The following MAST4 variants were observed in gnomAD, a reference collection of about 807,000 sequenced individuals.
The protein encoded by MAST4 is microtubule associated serine/threonine kinase family member 4.
Under a neutral mutation model 162.7 loss-of-function variants are expected in MAST4, and 89 were observed. That is an observed-to-expected ratio of 0.55 (90% CI 0.46 to 0.65). The LOEUF is 0.65. Ranked by LOEUF, MAST4 falls within the 30% of genes least tolerant of loss-of-function variation. MAST4 has a pLI of 0.00. For missense variants in MAST4, 3,153 were observed against 3,374.0 expected, an observed-to-expected ratio of 0.93 and a Z score of 1.62; for synonymous variants, 1,479 against 1,361.1, an observed-to-expected ratio of 1.09 and a Z score of -1.91.
intron 1 of MAST4, among the ~76,000 whole-genome samples, chr5:66,648,083 T>A (rs13172394): frequency 0.26 from 22,180 of 86,246 alleles, 2,232 homozygotes; most frequent in African/African-American, 0.35. Context: ...TGTGTGTGTG[T>A]GAGAGAGAGA....
chr5:67,024,860 A>G (rs1197204297), intron 4 of MAST4, among the ~76,000 whole-genome samples: 1 of 151,410 alleles, frequency 6.6e-6, no homozygotes, highest in Non-Finnish European at 1.5e-5. Flanking sequence ...AGCTAAGGTC[A>G]TCTGGAATGA....
intron 1 of MAST4, among the ~76,000 whole-genome samples, chr5:66,608,111 G>A (rs2149389941): frequency 6.8e-6 from 1 of 146,844 alleles, no homozygotes; most frequent in South Asian, 2.1e-4. Context: ...ACGCTGGAGT[G>A]CAGTGGCACT....
chr5:66,598,157 A>G (rs1014023949), intron 1 of MAST4, among the ~76,000 whole-genome samples: 1 of 152,208 alleles, frequency 6.6e-6, no homozygotes, highest in African/African-American at 2.4e-5. Flanking sequence ...GGCGAGTCCT[A>G]GCTTGGCAGA....
intron 1 of MAST4, among the ~76,000 whole-genome samples, chr5:66,745,757 G>A (rs892984889): frequency 6.6e-5 from 10 of 152,174 alleles, no homozygotes; most frequent in African/African-American, 2.4e-4. Context: ...TTGTGTCTGT[G>A]GACTTGGATG....
intron 4 of MAST4, among the ~76,000 whole-genome samples, chr5:67,013,501 G>T (rs1460281853): frequency 6.6e-6 from 1 of 152,144 alleles, no homozygotes; most frequent in Non-Finnish European, 1.5e-5. Flanking sequence ...CTGTAAAGAA[G>T]TATGCTTTAT....
rs893664762 is a variant in MAST4, at chr5:66,732,500, A to T, written c.364-27209A>T. Among the ~76,000 whole-genome samples, 210 of 152,282 alleles carry T rather than the reference A, an allele frequency of 1.4e-3. 5 individuals carry two copies. Among genetic ancestry groups the T allele is most frequent in the Admixed American group, 0.014 (208 of 15,296 alleles). ...TGTGTGTTCCTCTAGCACTTTGGAC[A>T]CACCTCTCTCCTAGCACTGATCACT... On this transcript the variant is annotated intron_variant, in intron 1 of 28. Transcript: ENST00000403625.
rs768965923 is a variant in MAST4, at chr5:67,165,685, C to T, written c.6506C>T (p.Thr2169Ile). 6.3e-7 allele frequency: 1 copy of T among 1,588,458 alleles called. No homozygotes were observed. Among genetic ancestry groups the T allele is most frequent in the South Asian group, 1.1e-5 (1 of 87,780 alleles). The change falls in exon 29 of 29, where the codon ACT becomes ATT. Residue 2169 changes from threonine to isoleucine, a missense_variant. This residue lies in a region of MAST4 where 1,644 missense variants were observed against 1,495.0 expected (regional missense o/e 1.10). Transcript: ENST00000403625. ...AGAGAGCCGGGGGCCAAGCCCAGCA[C>T]TGCAGAGCCCAGCTCGAGCCCCCAG... is the stretch of plus-strand genomic sequence containing the variant. ...SGREPGAKPS[T>I]AEPSSSPQDP... is the part of the protein sequence containing the mutation.
chr5:66,891,535 A>G lies in MAST4; in HGVS notation c.643-8416A>G, dbSNP rs79366683. On this transcript the variant is annotated intron_variant, in intron 3 of 28. Transcript: ENST00000403625. Reference sequence around the variant, plus strand: ...ATGTTCCATGAGCTCACCATTCCCTATAAGATAAAGGCAGCCACTTCCAAA... The same window carrying G: ...ATGTTCCATGAGCTCACCATTCCCTGTAAGATAAAGGCAGCCACTTCCAAA... Among the ~76,000 whole-genome samples, 14 of 152,180 alleles carry G rather than the reference A, an allele frequency of 9.2e-5. No individual in the cohort carries two copies. The East Asian group carries it at 2.7e-3, about 29-fold the overall frequency.
rs373517344 is a variant in MAST4 at position 67,144,454 on chromosome 5, A to G, written c.2731-215A>G. Among the ~76,000 whole-genome samples the G allele has an allele frequency of 4.8e-4, 35 of 73,080 alleles. No homozygotes were observed. The East Asian group carries it at 1.0e-2, about 21-fold the overall frequency. The allele number at this position is 73,080 out of a possible 152,430, so 47.9% of individuals were successfully genotyped here. A position where few individuals can be genotyped will look rare whatever the true frequency, so the allele number is the denominator to read the frequency against. Reference sequence around the variant, plus strand: ...AATTCATAGCTCCCTATTCGTATATATGTACACACACACACACACACACAC... The same window carrying G: ...AATTCATAGCTCCCTATTCGTATATGTGTACACACACACACACACACACAC... On this transcript the variant is annotated intron_variant, in intron 21 of 28. Coordinates refer to ENST00000403625, the MANE Select transcript of MAST4 (RefSeq NM_001164664.2).
At chr5:66,665,228 C>T (rs1747173972) in intron 1 of MAST4, among the ~76,000 whole-genome samples, 1 of 151,706 alleles carries the variant, frequency 6.6e-6, no homozygotes, top group Non-Finnish European at 1.5e-5. Flanking sequence ...TTGTTTGTTT[C>T]TTTTTAGGTA....
chr5:67,147,896 G>A (rs1352762919), intron 23 of MAST4, among the ~76,000 whole-genome samples: 1 of 152,186 alleles, frequency 6.6e-6, no homozygotes, highest in Non-Finnish European at 1.5e-5. Context: ...GGAAGTCCAT[G>A]AATCTTTTCC....
chr5:67,054,068 G>A (rs568914062), intron 4 of MAST4, among the ~76,000 whole-genome samples: 1 of 152,330 alleles, frequency 6.6e-6, no homozygotes, highest in Middle Eastern at 3.4e-3. Flanking sequence ...TGTCAACAAA[G>A]ATGCTACCTG....
chr5:66,826,701 A>G (rs1298390011), intron 3 of MAST4, among the ~76,000 whole-genome samples: 1 of 151,942 alleles, frequency 6.6e-6, no homozygotes, highest in Admixed American at 6.6e-5. Context: ...TGAAGATTGT[A>G]GTCCTCAGAG....
chr5:67,137,849 G>A (rs1044539046), intron 19 of MAST4, among the ~76,000 whole-genome samples: 8 of 152,280 alleles, frequency 5.3e-5, no homozygotes, highest in South Asian at 4.1e-4. Context: ...ATGACAGACC[G>A]CATGCCCTGC....
chr5:66,842,378 T>C (rs925399507), intron 3 of MAST4, among the ~76,000 whole-genome samples: 1 of 152,174 alleles, frequency 6.6e-6, no homozygotes, highest in African/African-American at 2.4e-5. Context: ...TTTTTACCTT[T>C]CTGCCTGGAA....
intron 3 of MAST4, among the ~76,000 whole-genome samples, chr5:66,850,212 A>G (rs1259920147): frequency 6.6e-6 from 1 of 152,226 alleles, no homozygotes; most frequent in East Asian, 1.9e-4. Context: ...GAATTAGAGA[A>G]TTGTAGAATT....
At chr5:66,918,252 T>C (rs542629866) in intron 4 of MAST4, among the ~76,000 whole-genome samples, 3 of 152,292 alleles carry the variant, frequency 2.0e-5, no homozygotes, top group African/African-American at 4.8e-5. Flanking sequence ...TGTCTGTTTA[T>C]GTACCAAATT....
intron 4 of MAST4, among the ~76,000 whole-genome samples, chr5:66,961,491 T>G (rs1746011427): frequency 6.6e-6 from 1 of 152,242 alleles, no homozygotes; most frequent in South Asian, 2.1e-4. Flanking sequence ...AGTTTCTGAT[T>G]CCTGTTTCAG....
chr5:66,758,683 C>T (rs1198884197), intron 1 of MAST4, among the ~76,000 whole-genome samples: 1 of 152,190 alleles, frequency 6.6e-6, no homozygotes, highest in African/African-American at 2.4e-5. Flanking sequence ...ATAATCTTCA[C>T]CTGAAAAAAT....
Sources: allele counts gnomAD v4.1 joint callset (sites outside exome capture counted in the v4.1 genomes callset), GRCh38; gene constraint gnomAD v4.1.1; regional missense constraint gnomAD v4.1.1; transcripts MANE v1.5; gene names NCBI Gene and HGNC (gene_info 2026-07-23, HGNC 2026-07-21).